The following ANO3 variants were observed in gnomAD, a reference collection of about 807,000 sequenced individuals.
The protein encoded by ANO3 is anoctamin-3.
In ANO3, 99 loss-of-function variants were observed where a neutral mutation model predicts 144.8. That is an observed-to-expected ratio of 0.68 (90% CI 0.58 to 0.81). The LOEUF is 0.81. Ranked by LOEUF, ANO3 falls within the 30% of genes least tolerant of loss-of-function variation. ANO3 has a pLI of 0.00. For synonymous variants in ANO3, 414 were observed against 392.6 expected, an observed-to-expected ratio of 1.05 and a Z score of -0.64; for missense variants, 905 against 1,202.2, an observed-to-expected ratio of 0.75 and a Z score of 3.66.
chr11:26,650,807 A>G (rs1260080989), intron 24 of ANO3, among the ~76,000 whole-genome samples: 3 of 152,192 alleles, frequency 2.0e-5, no homozygotes, highest in Non-Finnish European at 4.4e-5. Flanking sequence ...AAGAAAAAAA[A>G]TACTCATGTG....
intron 26 of ANO3, among the ~76,000 whole-genome samples, chr11:26,657,214 AT>A (rs1422061939): frequency 6.6e-6 from 1 of 152,136 alleles, no homozygotes; most frequent in Non-Finnish European, 1.5e-5. Context: ...TGGAACAAAT[AT>A]TTTTAAAGGT....
chr11:26,324,583 C>A (rs948889268), intron 1 of ANO3, among the ~76,000 whole-genome samples: 4 of 152,202 alleles, frequency 2.6e-5, no homozygotes, highest in African/African-American at 7.2e-5. Context: ...TCAACAAAGG[C>A]AACAACCAAA....
chr11:26,629,649 G>C (rs572260889), intron 18 of ANO3, among the ~76,000 whole-genome samples: 12 of 150,554 alleles, frequency 8.0e-5, no homozygotes, highest in Non-Finnish European at 1.5e-4. Flanking sequence ...TTTTTCTTTT[G>C]AGACAGAGTT....
chr11:26,345,690 A>T (rs1855481023), intron 1 of ANO3, among the ~76,000 whole-genome samples: 1 of 152,244 alleles, frequency 6.6e-6, no homozygotes, highest in Non-Finnish European at 1.5e-5. Context: ...TTCTCAGTAT[A>T]TGAAAATATG....
At chr11:26,195,793 C>A (rs1443044349) in intron 1 of ANO3, among the ~76,000 whole-genome samples, 1 of 152,092 alleles carries the variant, frequency 6.6e-6, no homozygotes, top group Non-Finnish European at 1.5e-5. Context: ...AGAACAACTA[C>A]GAATGTAGCT....
At position 26,421,084 on chromosome 11, in the gene ANO3, A is replaced by G. The variant is rs190609569; in HGVS notation, c.47-20834A>G. ...CTTTGTGAGGATTTTCACACATAAA[A>G]TGGGGATGACAGATCCTAACGGGAC... On this transcript the variant is annotated intron_variant, in intron 1 of 26. Transcript: ENST00000256737. Among the ~76,000 whole-genome samples the G allele has an allele frequency of 6.6e-5, 10 of 152,112 alleles. No individual in the cohort carries two copies. In the East Asian group the frequency reaches 1.9e-3, roughly 29 times the overall value.
Position 26,519,325 on chromosome 11 carries a change from G to A in ANO3, c.692+2398G>A, listed in dbSNP as rs529368137. Among the ~76,000 whole-genome samples, 147 of 152,284 alleles carry A rather than the reference G, an allele frequency of 9.7e-4. 2 individuals are homozygous for A. The South Asian group carries it at 0.03, about 31-fold the overall frequency. On this transcript the variant is annotated intron_variant, in intron 6 of 26. Transcript: ENST00000256737. ...TTCATACAAAACAGATATTTGCCAT[G>A]ATTCCAGAAGATTGGTTCCATTTTT...
At chr11:26,243,787 T>G (rs1204886549) in intron 1 of ANO3, among the ~76,000 whole-genome samples, 1 of 152,110 alleles carries the variant, frequency 6.6e-6, no homozygotes, top group East Asian at 1.9e-4. Flanking sequence ...TTCCAGAGAT[T>G]CTCAGAAAAA....
intron 1 of ANO3, among the ~76,000 whole-genome samples, chr11:26,282,310 G>GTTTT (rs780885084): frequency 3.5e-4 from 49 of 141,736 alleles, no homozygotes; most frequent in African/African-American, 1.2e-3. Context: ...CATTTTTTTT[G>GTTTT]TTTTTTTTTT....
chr11:26,566,657 G>A (rs927788338), intron 14 of ANO3, among the ~76,000 whole-genome samples: 3 of 151,738 alleles, frequency 2.0e-5, no homozygotes, highest in Admixed American at 1.3e-4. Flanking sequence ...GGTGTGTGTG[G>A]GAAAATAAGC....
intron 1 of ANO3, among the ~76,000 whole-genome samples, chr11:26,362,715 C>T (rs1186284850): frequency 6.6e-6 from 1 of 152,146 alleles, no homozygotes; most frequent in East Asian, 1.9e-4. Context: ...TTCAAATGTC[C>T]ACTAAACAAA....
intron 23 of ANO3, among the ~76,000 whole-genome samples, chr11:26,646,079 A>G (rs1853335779): frequency 6.6e-6 from 1 of 152,166 alleles, no homozygotes; most frequent in Non-Finnish European, 1.5e-5. Flanking sequence ...TACCTCAGGG[A>G]ATCAGTGCTA....
At chr11:26,568,467 C>T (rs1850684525) in intron 14 of ANO3, among the ~76,000 whole-genome samples, 1 of 68,556 alleles carries the variant, frequency 1.5e-5, no homozygotes, top group Admixed American at 1.5e-4. Flanking sequence ...CTTCTTCCTA[C>T]CATAGTTTTT....
Position 26,619,759 on chromosome 11 carries a change from G to T in ANO3, c.1837-4703G>T, listed in dbSNP as rs61310948. 0.019 allele frequency among the ~76,000 whole-genome samples: 2,938 copies of T among 152,198 alleles called. 231 individuals are homozygous for T. The East Asian group carries it at 0.28, about 14-fold the overall frequency. ...TGGGATTACAGGCGTGAGCCACTGC[G>T]CCCGGCCAAAAAACTACAGATTCTT... On this transcript the variant is annotated intron_variant, in intron 17 of 26. Transcript: ENST00000256737.
At chr11:26,521,364 A>G (rs1417179573) in intron 6 of ANO3, among the ~76,000 whole-genome samples, 3 of 152,236 alleles carry the variant, frequency 2.0e-5, no homozygotes, top group Non-Finnish European at 4.4e-5. Flanking sequence ...CCTACCTGTC[A>G]TATTTAACGA....
At chr11:26,483,029 C>A (rs997474822) in intron 4 of ANO3, among the ~76,000 whole-genome samples, 1 of 152,048 alleles carries the variant, frequency 6.6e-6, no homozygotes, top group African/African-American at 2.4e-5. Context: ...CTGCAATAAA[C>A]ATACTAGTGC....
At chr11:26,657,537 T>C (rs1316188353) in intron 26 of ANO3, among the ~76,000 whole-genome samples, 1 of 152,196 alleles carries the variant, frequency 6.6e-6, no homozygotes, top group Non-Finnish European at 1.5e-5. Flanking sequence ...ACTGTCATCA[T>C]TGATCCATGT....
intron 1 of ANO3, among the ~76,000 whole-genome samples, chr11:26,288,224 A>G (rs1465194135): frequency 6.6e-6 from 1 of 152,192 alleles, no homozygotes; most frequent in African/African-American, 2.4e-5. Flanking sequence ...GTGACAGGCC[A>G]GTGAATTTAG....
intron 14 of ANO3, among the ~76,000 whole-genome samples, chr11:26,564,042 C>A (rs1024841151): frequency 4.0e-5 from 6 of 151,618 alleles, no homozygotes; most frequent in Admixed American, 2.6e-4. Context: ...TATATAAAAT[C>A]TCATTTCTAA....
Sources: allele counts gnomAD v4.1 joint callset (sites outside exome capture counted in the v4.1 genomes callset), GRCh38; gene constraint gnomAD v4.1.1; transcripts MANE v1.5; gene names NCBI Gene and HGNC (gene_info 2026-07-23, HGNC 2026-07-21).